The following SYNPO2 variants were observed in gnomAD, a reference collection of about 807,000 sequenced individuals.
The protein encoded by SYNPO2 is synaptopodin 2.
Under a neutral mutation model 85.0 loss-of-function variants are expected in SYNPO2, and 56 were observed. That is an observed-to-expected ratio of 0.66 (90% confidence interval 0.53 to 0.82). The LOEUF is 0.82. Among genes scored for constraint, SYNPO2 ranks in the 40% least tolerant of loss-of-function variants. The pLI is 0.00. For missense variants in SYNPO2, 1,575 were observed against 1,534.2 expected, an observed-to-expected ratio of 1.03 and a Z score of -0.44; for synonymous variants, 602 against 591.1, an observed-to-expected ratio of 1.02 and a Z score of -0.27.
At chr4:118,985,100 G>A (rs1736168939) in intron 1 of SYNPO2, among the ~76,000 whole-genome samples, 1 of 152,178 alleles carries the variant, frequency 6.6e-6, no homozygotes, top group Non-Finnish European at 1.5e-5. Flanking sequence ...CTCTGGGGTA[G>A]GATATGGCAA....
intron 1 of SYNPO2, among the ~76,000 whole-genome samples, chr4:118,981,990 G>A (rs17839101): frequency 0.017 from 2,605 of 152,284 alleles, 69 homozygotes; most frequent in African/African-American, 0.06. Flanking sequence ...CCTTAGGAGA[G>A]TGTGTTTTGA....
At chr4:119,044,353 A>G (rs1738812506) in intron 4 of SYNPO2, among the ~76,000 whole-genome samples, 1 of 152,238 alleles carries the variant, frequency 6.6e-6, no homozygotes. Context: ...AATGACATAC[A>G]TGAAATTATT....
At position 118,907,759 on chromosome 4, in the gene SYNPO2, A is replaced by G. The variant is rs567604923; in HGVS notation, c.105+18618A>G. 3.3e-5 allele frequency among the ~76,000 whole-genome samples: 5 copies of G among 152,350 alleles called. No homozygotes were observed. The East Asian group carries it at 9.6e-4, about 29-fold the overall frequency. The stretch of plus-strand genomic sequence containing the variant: ...AGTAATTCAAACATTACAGAAAAGG[A>G]TAAAAATAAAGGAAAAACTATACCA... On this transcript the variant is annotated intron_variant, in intron 1 of 4. Transcript: ENST00000307142.
At chr4:118,971,116 T>G (rs566693089) in intron 1 of SYNPO2, among the ~76,000 whole-genome samples, 46 of 152,326 alleles carry the variant, frequency 3.0e-4, no homozygotes, top group African/African-American at 1.1e-3. Flanking sequence ...CGTGTTAAAA[T>G]GCAATATGTT....
chr4:119,038,370 A>AC lies in SYNPO2; in HGVS notation c.3252+6343_3252+6344insC, dbSNP rs1425254980. On this transcript the variant is annotated intron_variant, in intron 4 of 4. Transcript: ENST00000307142. ...AGAAAGAAGCATCTGTTTTATTAGTAAAAAAAAAAAATGAAATTTACAGCA... is the reference window on the plus strand; with the variant it reads ...AGAAAGAAGCATCTGTTTTATTAGTACAAAAAAAAAAATGAAATTTACAGCA... 1.7e-5 allele frequency: 10 copies of AC among 581,194 alleles called. No homozygotes were observed. In the Admixed American group the frequency reaches 8.7e-3, roughly 508 times the overall value. 36.0% of individuals were successfully genotyped at this position (581,194 alleles called of 1,614,324 possible). A position where few individuals can be genotyped will look rare whatever the true frequency, so the allele number is the denominator to read the frequency against.
At chr4:119,055,119 T>C (rs1289104025) in intron 4 of SYNPO2, among the ~76,000 whole-genome samples, 5 of 152,112 alleles carry the variant, frequency 3.3e-5, no homozygotes, top group African/African-American at 1.2e-4. Context: ...TTCTCTATCT[T>C]CTCTAAACTG....
intron 1 of SYNPO2, among the ~76,000 whole-genome samples, chr4:118,899,575 T>C (rs1351011212): frequency 6.6e-6 from 1 of 152,204 alleles, no homozygotes; most frequent in Non-Finnish European, 1.5e-5. Flanking sequence ...AGGTGCACAC[T>C]GAAGAAATGA....
intron 4 of SYNPO2, among the ~76,000 whole-genome samples, chr4:119,044,515 G>T (rs931848777): frequency 1.3e-5 from 2 of 152,104 alleles, no homozygotes; most frequent in African/African-American, 4.8e-5. Context: ...CTGGATTTAT[G>T]ATTCCTAATT....
At chr4:119,036,504 C>G (rs1034731762) in intron 4 of SYNPO2, 1 of 985,406 alleles carries the variant, frequency 1.0e-6, no homozygotes, top group Non-Finnish European at 1.2e-6. Context: ...GATGTCCTAC[C>G]AGGGTTGGCC....
intron 1 of SYNPO2, among the ~76,000 whole-genome samples, chr4:118,865,474 G>A (rs1297248153): frequency 6.6e-6 from 1 of 152,192 alleles, no homozygotes; most frequent in Non-Finnish European, 1.5e-5. Context: ...ATATTTAGTG[G>A]GTAGGATGGT....
chr4:118,995,227 A>G (rs370847456), intron 1 of SYNPO2, among the ~76,000 whole-genome samples: 1 of 152,212 alleles, frequency 6.6e-6, no homozygotes, highest in East Asian at 1.9e-4. Flanking sequence ...TTCTTTAAAC[A>G]TATGCCTTTG....
intron 4 of SYNPO2, chr4:119,036,764 T>G: frequency 1.0e-6 from 1 of 994,214 alleles, no homozygotes; most frequent in Non-Finnish European, 1.2e-6. Flanking sequence ...TATGTTTCTG[T>G]GGTATGTATA....
chr4:118,968,920 A>C (rs1458726688), intron 1 of SYNPO2, among the ~76,000 whole-genome samples: 2 of 152,240 alleles, frequency 1.3e-5, no homozygotes, highest in Non-Finnish European at 2.9e-5. Flanking sequence ...TTATAAATCT[A>C]ACTGCTAAGT....
chr4:119,030,511 T>G lies in SYNPO2; in HGVS notation c.1736T>G (p.Ile579Ser). 1 of 1,613,970 alleles carries G rather than the reference T, an allele frequency of 6.2e-7. No homozygotes were observed. Among genetic ancestry groups the G allele is most frequent in the Non-Finnish European group, 8.5e-7 (1 of 1,179,954 alleles). Residue 579 changes from isoleucine to serine, a missense_variant, in exon 4 of 5, where the codon ATC (isoleucine) becomes AGC (serine). Around this residue, in one of 3 missense-constraint regions of SYNPO2, gnomAD observed 1,508 missense variants for 1,446.8 expected, o/e 1.04. Coordinates refer to ENST00000307142, the MANE Select transcript of SYNPO2 (RefSeq NM_133477.3). ...AGTGGGACATCTGAGACAGCAAACATCCAGAGGATGGTCCCCATGAATAGA... is the reference window on the plus strand; with the variant it reads ...AGTGGGACATCTGAGACAGCAAACAGCCAGAGGATGGTCCCCATGAATAGA... ...GFSGTSETAN[I>S]QRMVPMNRTA...
In SYNPO2 at chr4:119,030,403, C is replaced by A; in HGVS notation, c.1628C>A (p.Ser543Ter). ...TCTTACCAAAGAAAGGAGGAAGAGT[C>A]GGTAAGAACGCAGAGCTCTGTGAGC... ...TTSYQRKEEE[S>*]VRTQSSVSKS... Residue 543 changes from serine (S) to a stop codon, truncating the protein, a stop_gained, in exon 4 of 5, where the codon TCG becomes TAG. Coordinates refer to ENST00000307142, the MANE Select transcript of SYNPO2 (RefSeq NM_133477.3). LOFTEE classifies it high-confidence loss of function. The A allele has an allele frequency of 1.2e-6, 2 of 1,613,954 alleles. No individual in the cohort carries two copies. Among genetic ancestry groups the A allele is most frequent in the East Asian group, 2.2e-5 (1 of 44,882 alleles).
At chr4:119,011,263 G>T (rs1670123191) in intron 1 of SYNPO2, among the ~76,000 whole-genome samples, 1 of 152,212 alleles carries the variant, frequency 6.6e-6, no homozygotes, top group Admixed American at 6.5e-5. Context: ...ACCTGGGGTA[G>T]TGCCTCTGCT....
At chr4:118,888,159 C>CAGGT (rs1471234627), upstream of SYNPO2, among the ~76,000 whole-genome samples, 1 of 152,056 alleles carries the variant, frequency 6.6e-6, no homozygotes, top group Non-Finnish European at 1.5e-5. Context: ...AGAAGATCAG[C>CAGGT]AGGTAGAAAG....
intron 1 of SYNPO2, among the ~76,000 whole-genome samples, chr4:118,878,980 C>G (rs1464133451): frequency 6.6e-6 from 1 of 152,176 alleles, no homozygotes; most frequent in African/African-American, 2.4e-5. Flanking sequence ...CTGCGAAGGT[C>G]TGTGGCTTCA....
At chr4:118,936,079 T>G (rs1734090177) in intron 1 of SYNPO2, among the ~76,000 whole-genome samples, 1 of 152,172 alleles carries the variant, frequency 6.6e-6, no homozygotes, top group Non-Finnish European at 1.5e-5. Context: ...CCTGTGTTGC[T>G]CAAGGGTCAA....
Sources: allele counts gnomAD v4.1 joint callset (sites outside exome capture counted in the v4.1 genomes callset), GRCh38; gene constraint gnomAD v4.1.1; regional missense constraint gnomAD v4.1.1; transcripts MANE v1.5; gene names NCBI Gene and HGNC (gene_info 2026-07-23, HGNC 2026-07-21).